Variants in GALNTL6 observed in about 807,000 individuals in gnomAD.
GALNTL6 encodes the protein polypeptide N-acetylgalactosaminyltransferase like 6, also known as polypeptide N-acetylgalactosaminyltransferase-like 6.
A neutral mutation model predicts 73.7 loss-of-function variants in GALNTL6; 46 were observed. The ratio of observed to expected loss-of-function variants is 0.62; its 90% CI spans 0.49 to 0.80. GALNTL6 has a LOEUF of 0.80. Ranked by LOEUF, GALNTL6 falls within the 30% of genes least tolerant of loss-of-function variation. GALNTL6 has a pLI of 0.00. For synonymous variants in GALNTL6, 259 were observed against 263.7 expected (o/e 0.98, Z 0.17); for missense variants, 604 against 755.0 (o/e 0.80, Z 2.34).
intron 4 of GALNTL6, among the ~76,000 whole-genome samples, chr4:172,326,214 T>A (rs1428360904): frequency 6.6e-6 from 1 of 152,056 alleles, no homozygotes; most frequent in African/African-American, 2.4e-5. Context: ...TTTATAATTC[T>A]ATGTTTATAA....
At chr4:172,818,347 T>C (rs1232555146) in intron 7 of GALNTL6, among the ~76,000 whole-genome samples, 1 of 152,228 alleles carries the variant, frequency 6.6e-6, no homozygotes, top group East Asian at 1.9e-4. Flanking sequence ...GATTATATTT[T>C]TCAGAATCCA....
chr4:172,567,139 C>T, intron 5 of GALNTL6, among the ~76,000 whole-genome samples: 1 of 151,906 alleles, frequency 6.6e-6, no homozygotes, highest in East Asian at 1.9e-4. Context: ...TCAGATGCAG[C>T]CCCCTAGATA....
At chr4:172,206,685 C>A (rs1201779997) in intron 2 of GALNTL6, among the ~76,000 whole-genome samples, 1 of 151,414 alleles carries the variant, frequency 6.6e-6, no homozygotes, top group Admixed American at 6.6e-5. Context: ...GGGGAAAGAA[C>A]ATTCTAGACA....
intron 5 of GALNTL6, among the ~76,000 whole-genome samples, chr4:172,658,105 C>G (rs376756954): frequency 1.2e-3 from 101 of 87,734 alleles, no homozygotes; most frequent in African/African-American, 4.0e-3. Context: ...AGCCGAGATC[C>G]CGCCACTGCA....
At chr4:172,013,933 T>C (rs904640207) in intron 2 of GALNTL6, among the ~76,000 whole-genome samples, 2 of 150,040 alleles carry the variant, frequency 1.3e-5, no homozygotes, top group Admixed American at 6.7e-5. Context: ...TCAGTTGTTT[T>C]AATTTTTAGC....
chr4:172,224,576 A>G (rs1439480643), intron 2 of GALNTL6, among the ~76,000 whole-genome samples: 1 of 152,212 alleles, frequency 6.6e-6, no homozygotes, highest in Non-Finnish European at 1.5e-5. Context: ...CTTAGAGATA[A>G]AGAAACAAAG....
At chr4:172,270,187 G>A (rs1016467420) in intron 3 of GALNTL6, among the ~76,000 whole-genome samples, 1 of 116,554 alleles carries the variant, frequency 8.6e-6, no homozygotes, top group Non-Finnish European at 1.8e-5. Context: ...GTGTGTGTGT[G>A]TATGTGTGTG....
intron 4 of GALNTL6, among the ~76,000 whole-genome samples, chr4:172,345,827 A>C (rs1413864540): frequency 6.6e-6 from 1 of 152,218 alleles, no homozygotes; most frequent in African/African-American, 2.4e-5. Context: ...CCAGTAAAAG[A>C]TGCATTGTCA....
At chr4:172,831,679 G>A (rs1417807232) in intron 7 of GALNTL6, among the ~76,000 whole-genome samples, 1 of 152,166 alleles carries the variant, frequency 6.6e-6, no homozygotes, top group African/African-American at 2.4e-5. Context: ...CTAAGTGTTT[G>A]TATCCCTGCA....
intron 5 of GALNTL6, among the ~76,000 whole-genome samples, chr4:172,808,132 T>C (rs182770708): frequency 4.6e-5 from 7 of 152,348 alleles, no homozygotes; most frequent in African/African-American, 1.7e-4. Context: ...CCCATCTGTA[T>C]TCTTGTACAG....
At chr4:172,991,569 T>G (rs1751546917) in intron 10 of GALNTL6, among the ~76,000 whole-genome samples, 1 of 151,586 alleles carries the variant, frequency 6.6e-6, no homozygotes, top group African/African-American at 2.4e-5. Context: ...TCAGCTAATT[T>G]TTGTGTTGTT....
chr4:172,487,437 G>A (rs940748985), intron 5 of GALNTL6, among the ~76,000 whole-genome samples: 1 of 149,950 alleles, frequency 6.7e-6, no homozygotes, highest in African/African-American at 2.5e-5. Context: ...CCAGGCTGGA[G>A]TACAGTGGTG....
At chr4:172,712,880 T>C (rs1186391474) in intron 5 of GALNTL6, among the ~76,000 whole-genome samples, 1 of 152,194 alleles carries the variant, frequency 6.6e-6, no homozygotes, top group Non-Finnish European at 1.5e-5. Flanking sequence ...AGGCTGAACA[T>C]AATGAGTGTA....
intron 3 of GALNTL6, among the ~76,000 whole-genome samples, chr4:172,284,628 C>CT (rs1739184973): frequency 6.6e-6 from 1 of 152,148 alleles, no homozygotes; most frequent in African/African-American, 2.4e-5. Context: ...AGGTCTTACA[C>CT]TTAAGTCTTT....
intron 5 of GALNTL6, among the ~76,000 whole-genome samples, chr4:172,764,874 T>C (rs543596455): frequency 1.3e-5 from 2 of 152,240 alleles, no homozygotes; most frequent in African/African-American, 4.8e-5. Flanking sequence ...AAGACCTGCA[T>C]AGTTATCTTA....
chr4:172,530,227 A>G (rs556723186), intron 5 of GALNTL6, among the ~76,000 whole-genome samples: 1 of 152,238 alleles, frequency 6.6e-6, no homozygotes, highest in East Asian at 1.9e-4. Flanking sequence ...CCAAGCTAAG[A>G]TACCTAGTCG....
At chr4:172,913,034 G>A (rs959755759) in intron 8 of GALNTL6, among the ~76,000 whole-genome samples, 2 of 152,184 alleles carry the variant, frequency 1.3e-5, no homozygotes, top group Non-Finnish European at 2.9e-5. Flanking sequence ...GGAAGGATCA[G>A]GCAGCAACAT....
At chr4:172,917,242 T>C (rs1747569959) in intron 8 of GALNTL6, among the ~76,000 whole-genome samples, 1 of 152,176 alleles carries the variant, frequency 6.6e-6, no homozygotes, top group Non-Finnish European at 1.5e-5. Flanking sequence ...TATACAAATA[T>C]TAATTCAAGA....
At chr4:172,042,341 G>A (rs979479750) in intron 2 of GALNTL6, among the ~76,000 whole-genome samples, 3 of 151,970 alleles carry the variant, frequency 2.0e-5, no homozygotes, top group African/African-American at 7.2e-5. Context: ...ATGAGATACT[G>A]ACCTTGATGT....
Sources: allele counts gnomAD v4.1 joint callset (sites outside exome capture counted in the v4.1 genomes callset), GRCh38; gene constraint gnomAD v4.1.1; transcripts MANE v1.5; gene names NCBI Gene and HGNC (gene_info 2026-07-23, HGNC 2026-07-21).